PCNX2: variants seen among roughly 807,000 people sequenced by gnomAD.
PCNX2 encodes the protein pecanex 2, also known as pecanex-like protein 2.
Under a neutral mutation model 223.8 loss-of-function variants are expected in PCNX2, and 168 were observed. The ratio of observed to expected loss-of-function variants is 0.75; its 90% CI spans 0.66 to 0.85. The LOEUF is 0.85. PCNX2 is among the 40% of genes least tolerant of loss of function. The pLI is 0.00. For missense variants in PCNX2, 2,507 were observed against 2,675.5 expected (o/e 0.94, Z 1.39); for synonymous variants, 1,006 against 1,052.6 (o/e 0.96, Z 0.86).
chr1:233,202,114 G>T, intron 13 of PCNX2: 1 of 455,166 alleles, frequency 2.2e-6, no homozygotes, highest in Non-Finnish European at 4.5e-6. Context: ...AGGTTGCAGT[G>T]AACGTGAAGG....
the PCNX2 span, among the ~76,000 whole-genome samples, chr1:233,310,839 G>A: frequency 6.6e-6 from 1 of 152,136 alleles, no homozygotes. Flanking sequence ...GTGTGTGCAG[G>A]TCACATGGCA....
At chr1:233,183,319 C>A (rs1418078197) in intron 15 of PCNX2, among the ~76,000 whole-genome samples, 2 of 152,148 alleles carry the variant, frequency 1.3e-5, no homozygotes, top group Non-Finnish European at 2.9e-5. Flanking sequence ...GACTCCCCAA[C>A]AAGGGGCAAC....
Position 232,984,381 on chromosome 1 carries a change from C to T in PCNX2, c.6337G>A (p.Val2113Ile), listed in dbSNP as rs772047981. ...AEAVADTLGV[V>I]CRRASQEDMG... is the part of the protein sequence containing the mutation. ...TCCTCCTGGCTTGCTCTCCTGCAGA[C>T]AACCCCGAGAGTGTCCGCCACAGCC... The change falls in exon 34 of 34, where the codon GTC becomes ATC. Residue 2113 changes from valine (V) to isoleucine (I), a missense_variant. This residue lies in a region of PCNX2 where 1,372 missense variants were observed against 1,509.4 expected (regional missense o/e 0.91). Transcript: ENST00000258229. 8 of 1,613,568 alleles carry T rather than the reference C, an allele frequency of 5.0e-6. No homozygotes were observed. The Admixed American group carries it at 6.7e-5, about 13-fold the overall frequency.
intron 22 of PCNX2, among the ~76,000 whole-genome samples, chr1:233,092,219 A>G (rs1380509690): frequency 6.6e-6 from 1 of 152,192 alleles, no homozygotes; most frequent in African/African-American, 2.4e-5. Flanking sequence ...CAGGGGACAG[A>G]GGGTGTGATG....
chr1:233,130,040 C>T (rs1029739110), intron 21 of PCNX2, among the ~76,000 whole-genome samples: 10 of 152,076 alleles, frequency 6.6e-5, no homozygotes, highest in South Asian at 2.1e-4. Context: ...AGCCAGACCA[C>T]GAACCCACCT....
chr1:233,241,935 C>T (rs1658796873), intron 8 of PCNX2, among the ~76,000 whole-genome samples: 1 of 152,072 alleles, frequency 6.6e-6, no homozygotes, highest in Non-Finnish European at 1.5e-5. Context: ...TTATTTATTG[C>T]CGTTTTCTGC....
At chr1:233,096,238 G>A (rs1050501187) in intron 21 of PCNX2, among the ~76,000 whole-genome samples, 2 of 152,148 alleles carry the variant, frequency 1.3e-5, no homozygotes, top group South Asian at 2.1e-4. Context: ...AGGTTTTTGC[G>A]TGTTAATTTC....
At chr1:233,187,226 G>C (rs1680155218) in intron 15 of PCNX2, among the ~76,000 whole-genome samples, 1 of 152,114 alleles carries the variant, frequency 6.6e-6, no homozygotes, top group South Asian at 2.1e-4. Context: ...TTTACAATGA[G>C]GAAACAGGCT....
intron 32 of PCNX2, among the ~76,000 whole-genome samples, chr1:232,986,985 T>G (rs1174994963): frequency 1.3e-5 from 2 of 152,174 alleles, no homozygotes; most frequent in African/African-American, 2.4e-5. Context: ...GCTCATCCGA[T>G]CAGCAGTGAT....
Position 233,259,116 on chromosome 1 carries a change from T to C in PCNX2, c.746A>G (p.Asp249Gly). The change falls in exon 5 of 34, where the codon GAT becomes GGT. Residue 249 changes from aspartate (D) to glycine (G), a missense_variant. Coordinates refer to ENST00000258229, the MANE Select transcript of PCNX2 (RefSeq NM_014801.4). Reference protein sequence around the residue: ...LRHRSEGGLVDKGPLKKLPHL... With the variant: ...LRHRSEGGLVGKGPLKKLPHL... ...GGGCAACTTCTTCAAGGGTCCCTTA[T>C]CCACTAAGCCACCCTCGGATCTGTG... 1 of 1,614,024 alleles carries C rather than the reference T, an allele frequency of 6.2e-7. No individual in the cohort carries two copies. Among genetic ancestry groups the C allele is most frequent in the East Asian group, 2.2e-5 (1 of 44,874 alleles).
intron 25 of PCNX2, among the ~76,000 whole-genome samples, chr1:233,051,007 G>A (rs961370778): frequency 6.6e-6 from 1 of 151,842 alleles, no homozygotes; most frequent in African/African-American, 2.4e-5. Flanking sequence ...TTAAAAAATG[G>A]GTAAAAGATA....
chr1:233,317,180 G>A, the PCNX2 span, among the ~76,000 whole-genome samples: 3 of 152,206 alleles, frequency 2.0e-5, no homozygotes, highest in East Asian at 1.9e-4. Context: ...TTGGGAGGCT[G>A]AGGCAGGCGA....
intron 25 of PCNX2, among the ~76,000 whole-genome samples, chr1:233,026,970 A>T (rs1671099486): frequency 6.6e-6 from 1 of 152,214 alleles, no homozygotes; most frequent in African/African-American, 2.4e-5. Context: ...ATTTCAAATC[A>T]CCTATATGCT....
At chr1:233,072,311 A>G (rs1237680535) in intron 23 of PCNX2, among the ~76,000 whole-genome samples, 4 of 152,176 alleles carry the variant, frequency 2.6e-5, no homozygotes, top group Non-Finnish European at 5.9e-5. Flanking sequence ...ACTTGAGTTA[A>G]TATTTGCATA....
intron 21 of PCNX2, among the ~76,000 whole-genome samples, chr1:233,106,658 C>A (rs1374544387): frequency 6.6e-6 from 1 of 152,094 alleles, no homozygotes; most frequent in African/African-American, 2.4e-5. Flanking sequence ...GTCTTATAAT[C>A]TTGTGTGTAG....
chr1:233,322,058 G>A, the PCNX2 span, among the ~76,000 whole-genome samples: 2 of 152,032 alleles, frequency 1.3e-5, no homozygotes, highest in African/African-American at 4.8e-5. Flanking sequence ...GGTTCTTAAG[G>A]GTTGATTCTT....
chr1:233,268,556 G>A (rs1159031495), intron 1 of PCNX2, among the ~76,000 whole-genome samples: 2 of 152,164 alleles, frequency 1.3e-5, no homozygotes, highest in Non-Finnish European at 2.9e-5. Flanking sequence ...TGCACATGAA[G>A]AAGCTGGGTG....
intron 12 of PCNX2, among the ~76,000 whole-genome samples, chr1:233,212,762 C>T (rs1558349775): frequency 1.3e-5 from 2 of 152,190 alleles, no homozygotes; most frequent in African/African-American, 4.8e-5. Context: ...GTTTTAACTA[C>T]TACTGTTTTG....
At chr1:233,133,698 GT>G (rs1387747142) in intron 21 of PCNX2, among the ~76,000 whole-genome samples, 1 of 152,084 alleles carries the variant, frequency 6.6e-6, no homozygotes, top group African/African-American at 2.4e-5. Flanking sequence ...TTTACAAAAA[GT>G]TTTTAAAACA....
Sources: gnomAD v4.1 joint callset for allele counts (sites outside exome capture counted in the v4.1 genomes callset) on GRCh38, gnomAD v4.1.1 for gene constraint, gnomAD v4.1.1 regional missense constraint, MANE v1.5 for transcripts, NCBI Gene and HGNC (gene_info 2026-07-23, HGNC 2026-07-21) for gene names.